The following FGF9 variants were observed in gnomAD, a reference collection of about 807,000 sequenced individuals.
FGF9 encodes fibroblast growth factor 9 (glia-activating factor).
FGF9 carries 3 observed loss-of-function variants against 19.9 expected under a neutral mutation model. The observed-to-expected ratio is 0.15, with a 90% CI of 0.07 to 0.39. The LOEUF (loss-of-function observed/expected upper bound fraction) is 0.39. FGF9 is among the 10% of genes least tolerant of loss of function. The probability of loss-of-function intolerance (pLI) is 1.00; values close to 1 mark genes in which losing one functional copy is unlikely to be tolerated. For synonymous variants in FGF9, 107 were observed against 106.9 expected (o/e 1.00, Z -0.01); for missense variants, 175 against 256.8 (o/e 0.68, Z 2.18).
intron 2 of FGF9, among the ~76,000 whole-genome samples, chr13:21,700,045 T>C (rs903368321): frequency 6.6e-6 from 1 of 151,166 alleles, no homozygotes; most frequent in African/African-American, 2.4e-5. Context: ...TGTGTGTGTG[T>C]GTGTTATTTT....
rs933542195 is a variant in FGF9 at position 21,691,370 on chromosome 13, G to A, written c.382-9820G>A. On this transcript the variant is annotated intron_variant, in intron 2 of 2. Coordinates refer to ENST00000382353, the MANE Select transcript of FGF9 (RefSeq NM_002010.3). This position sits in a 1 kb window ranked among gnomAD's most constrained non-coding sequence, Gnocchi z 4.2. ...GGAGAGAATGTCAGGATTATTCACAGAGGAGATGGAGAAAAACAGGCAGGT... is the reference window on the plus strand; with the variant it reads ...GGAGAGAATGTCAGGATTATTCACAAAGGAGATGGAGAAAAACAGGCAGGT... Among the ~76,000 whole-genome samples the A allele has an allele frequency of 2.0e-5, 3 of 152,198 alleles. No individual in the cohort carries two copies. The highest frequency in any genetic ancestry group is 7.2e-5 in the African/African-American group (3 of 41,456).
chr13:21,680,364 G>C (rs890173423), intron 1 of FGF9, among the ~76,000 whole-genome samples: 1 of 152,142 alleles, frequency 6.6e-6, no homozygotes, highest in African/African-American at 2.4e-5. Context: ...ACACAATAGA[G>C]AGCTGGATAA....
intron 2 of FGF9, among the ~76,000 whole-genome samples, chr13:21,696,636 C>T (rs539886704): frequency 3.3e-5 from 5 of 152,326 alleles, no homozygotes; most frequent in African/African-American, 1.2e-4. Flanking sequence ...CCCTTCCCTT[C>T]ATCCGCACAT....
intron 2 of FGF9, among the ~76,000 whole-genome samples, chr13:21,692,500 C>A (rs973970444): frequency 6.6e-6 from 1 of 152,174 alleles, no homozygotes; most frequent in African/African-American, 2.4e-5. Context: ...CCCGGGATCG[C>A]CACTTTGTCA....
At chr13:21,678,747 A>G (rs1366958070) in intron 1 of FGF9, among the ~76,000 whole-genome samples, 2 of 152,188 alleles carry the variant, frequency 1.3e-5, no homozygotes, top group African/African-American at 4.8e-5. Context: ...TAGTTTTATG[A>G]TTAAACCTTT....
At chr13:21,695,010 T>C (rs1437572942) in intron 2 of FGF9, among the ~76,000 whole-genome samples, 1 of 152,060 alleles carries the variant, frequency 6.6e-6, no homozygotes, top group East Asian at 1.9e-4. Context: ...GCAGGTTCTG[T>C]CCTTGGCAGC....
chr13:21,686,913 A>G (rs1274181757), intron 2 of FGF9, among the ~76,000 whole-genome samples: 1 of 152,230 alleles, frequency 6.6e-6, no homozygotes, highest in Non-Finnish European at 1.5e-5. Flanking sequence ...TGACTTGCTC[A>G]AAGGCCCAAA....
At chr13:21,694,463 T>A (rs1872360458) in intron 2 of FGF9, among the ~76,000 whole-genome samples, 1 of 152,204 alleles carries the variant, frequency 6.6e-6, no homozygotes, top group South Asian at 2.1e-4. Flanking sequence ...CTTGAATCCT[T>A]ATTTCCTTAA....
intron 1 of FGF9, among the ~76,000 whole-genome samples, chr13:21,675,419 C>T (rs1871889817): frequency 6.6e-6 from 1 of 152,070 alleles, no homozygotes. Flanking sequence ...GCCTTCCCAG[C>T]CCCGCCCGGA....
intron 2 of FGF9, among the ~76,000 whole-genome samples, chr13:21,693,804 T>C (rs1304657276): frequency 2.0e-5 from 3 of 152,148 alleles, no homozygotes; most frequent in Non-Finnish European, 4.4e-5. Flanking sequence ...AGTGGCTGTC[T>C]TCTTCCCTGT....
Position 21,701,704 on chromosome 13 carries a change from T to C in FGF9, c.*269T>C. The stretch of plus-strand genomic sequence containing the variant: ...AGAGAGAGACTGAGCGCTAGGAGTG[T>C]GTGTATGTGTGTGTGTGTGTGTGTG... On this transcript the variant is annotated 3_prime_UTR_variant, in exon 3 of 3. Coordinates refer to ENST00000382353, the MANE Select transcript of FGF9 (RefSeq NM_002010.3). 6.8e-6 allele frequency: 3 copies of C among 443,030 alleles called. No individual in the cohort carries two copies. The highest frequency in any genetic ancestry group is 4.2e-5 in the South Asian group (2 of 47,472). The allele number at this position is 443,030 out of a possible 1,614,324, so 27.4% of individuals were successfully genotyped here.
At chr13:21,677,086 C>T (rs1340700893) in intron 1 of FGF9, among the ~76,000 whole-genome samples, 1 of 152,152 alleles carries the variant, frequency 6.6e-6, no homozygotes, top group Non-Finnish European at 1.5e-5. Context: ...TGAGCATATC[C>T]TCATTTGGAA....
In FGF9 at chr13:21,702,425, T is replaced by C. The variant is rs1043571552; in HGVS notation, c.*990T>C. ...CAATATTTCCTCTCTCATAAGTGACTCCACTATTGTAACTTCATGGTTGGA... is the reference window on the plus strand; with the variant it reads ...CAATATTTCCTCTCTCATAAGTGACCCCACTATTGTAACTTCATGGTTGGA... On this transcript the variant is annotated 3_prime_UTR_variant, in exon 3 of 3. Transcript: ENST00000382353. The C allele has an allele frequency of 4.6e-5, 7 of 152,212 alleles. No individual in the cohort carries two copies. Among genetic ancestry groups the C allele is most frequent in the African/African-American group, 1.7e-4 (7 of 41,448 alleles). 9.4% of individuals were successfully genotyped at this position (152,212 alleles called of 1,614,324 possible). A position where few individuals can be genotyped will look rare whatever the true frequency, so the allele number is the denominator to read the frequency against.
chr13:21,695,235 G>A (rs1006179280), intron 2 of FGF9, among the ~76,000 whole-genome samples: 3 of 152,106 alleles, frequency 2.0e-5, no homozygotes, highest in Non-Finnish European at 4.4e-5. Context: ...GGTGGAGGAG[G>A]AGTGGAGAGA....
At chr13:21,678,118 G>A (rs1871956991) in intron 1 of FGF9, among the ~76,000 whole-genome samples, 1 of 152,120 alleles carries the variant, frequency 6.6e-6, no homozygotes, top group Non-Finnish European at 1.5e-5. Context: ...TAAATGGTAT[G>A]GTGCTTGGCT....
intron 1 of FGF9, among the ~76,000 whole-genome samples, chr13:21,673,506 A>G (rs1217276847): frequency 6.6e-6 from 1 of 152,246 alleles, no homozygotes; most frequent in African/African-American, 2.4e-5. Flanking sequence ...CTTAAAAAAA[A>G]GTTATAGCTC....
intron 2 of FGF9, among the ~76,000 whole-genome samples, chr13:21,690,113 T>C (rs1390792563): frequency 6.6e-6 from 1 of 152,244 alleles, no homozygotes; most frequent in Non-Finnish European, 1.5e-5. Flanking sequence ...GAGTTAATAC[T>C]GCTGCACAGC....
chr13:21,700,447 G>A (rs1872514126), intron 2 of FGF9, among the ~76,000 whole-genome samples: 1 of 152,142 alleles, frequency 6.6e-6, no homozygotes, highest in Non-Finnish European at 1.5e-5. Flanking sequence ...TAAAGGTTTG[G>A]GGCTCAGAAG....
chr13:21,693,267 T>C (rs912932), intron 2 of FGF9, among the ~76,000 whole-genome samples: 126,587 of 151,976 alleles, frequency 0.83, 53,238 homozygotes, highest in East Asian at 1. Context: ...TCGGGGCTGA[T>C]GTGAGTATAG....
Sources: gnomAD v4.1 joint callset for allele counts (sites outside exome capture counted in the v4.1 genomes callset) on GRCh38, gnomAD v4.1.1 for gene constraint, Gnocchi (gnomAD v3.1) non-coding constraint, MANE v1.5 for transcripts, NCBI Gene and HGNC (gene_info 2026-07-23, HGNC 2026-07-21) for gene names.